The following POT1 variants were observed in gnomAD, a reference collection of about 807,000 sequenced individuals.
POT1 encodes protection of telomeres 1, also known as protection of telomeres protein 1.
Under a neutral mutation model 78.5 loss-of-function variants are expected in POT1, and 47 were observed. That is an observed-to-expected ratio of 0.60 (90% CI 0.47 to 0.76). POT1 has a LOEUF of 0.76. Ranked by LOEUF, POT1 falls within the 30% of genes least tolerant of loss-of-function variation. The pLI, the probability that POT1 is intolerant of heterozygous loss-of-function variation, is 0.00. For missense variants in POT1, 646 were observed against 749.9 expected, an observed-to-expected ratio of 0.86 and a Z score of 1.62; for synonymous variants, 259 against 260.7, an observed-to-expected ratio of 0.99 and a Z score of 0.06.
chr7:124,876,684 A>G (rs1239043373), intron 6 of POT1, among the ~76,000 whole-genome samples: 3 of 152,208 alleles, frequency 2.0e-5, no homozygotes, highest in African/African-American at 7.2e-5. Flanking sequence ...TTTTTCTGGA[A>G]CATACATATT....
chr7:124,853,088 C>G lies in POT1; in HGVS notation c.753G>C (p.Met251Ile), dbSNP rs1172142052. Residue 251 changes from methionine to isoleucine, a missense_variant, in exon 10 of 19, where the codon ATG becomes ATC. Around this residue, in one of 2 missense-constraint regions of POT1, gnomAD observed 252 missense variants for 341.4 expected, o/e 0.74. Transcript: ENST00000357628. ...IYSLHTKLQSMNSENQTMLSL... is the reference protein window; with the variant it reads ...IYSLHTKLQSINSENQTMLSL... ...TTAACATTGTCTGATTCTCTGAATT[C>G]ATTGATTGAAGTTTGGTATGAAGGC... is the stretch of plus-strand genomic sequence containing the variant. 6.2e-7 allele frequency: 1 copy of G among 1,608,296 alleles called. No homozygotes were observed. The highest frequency in any genetic ancestry group is 8.5e-7 in the Non-Finnish European group (1 of 1,175,070).
At chr7:124,829,039 G>C in intron 16 of POT1, 1 of 743,308 alleles carries the variant, frequency 1.3e-6, no homozygotes, top group Non-Finnish European at 2.5e-6. Flanking sequence ...GTAAGGCATA[G>C]GGGAAAGTAT....
At chr7:124,856,074 GATTAT>G (rs1795439565) in intron 9 of POT1, among the ~76,000 whole-genome samples, 1 of 152,034 alleles carries the variant, frequency 6.6e-6, no homozygotes, top group Admixed American at 6.6e-5. Flanking sequence ...TGTAGATGTT[GATTAT>G]ATTATATTCT....
At chr7:124,847,814 C>T (rs1484908122) in intron 11 of POT1, among the ~76,000 whole-genome samples, 1 of 152,160 alleles carries the variant, frequency 6.6e-6, no homozygotes, top group African/African-American at 2.4e-5. Flanking sequence ...GCAAATGGTG[C>T]TGCAATAACT....
intron 3 of POT1, among the ~76,000 whole-genome samples, chr7:124,910,438 G>A (rs1796864121): frequency 6.6e-6 from 1 of 151,700 alleles, no homozygotes; most frequent in Non-Finnish European, 1.5e-5. Flanking sequence ...CATCACAGAG[G>A]GCTAACAGTT....
At chr7:124,894,839 G>A (rs1332766883) in intron 5 of POT1, among the ~76,000 whole-genome samples, 1 of 151,528 alleles carries the variant, frequency 6.6e-6, no homozygotes, top group Non-Finnish European at 1.5e-5. Flanking sequence ...GTAAGCAAAG[G>A]CTTTCTGAAG....
intron 6 of POT1, among the ~76,000 whole-genome samples, chr7:124,880,241 A>C (rs896181778): frequency 5.9e-5 from 9 of 152,138 alleles, no homozygotes; most frequent in African/African-American, 1.9e-4. Flanking sequence ...CGTGATAAAC[A>C]CAAGGGCAAA....
chr7:124,873,010 C>A (rs1224855960), intron 6 of POT1, among the ~76,000 whole-genome samples: 1 of 152,024 alleles, frequency 6.6e-6, no homozygotes, highest in African/African-American at 2.4e-5. Flanking sequence ...AGGTCCTTTG[C>A]CCATGTTTAA....
At chr7:124,870,351 A>C (rs1379216651) in intron 7 of POT1, among the ~76,000 whole-genome samples, 1 of 152,008 alleles carries the variant, frequency 6.6e-6, no homozygotes, top group Non-Finnish European at 1.5e-5. Context: ...TAATAACTCT[A>C]CCCTATATTA....
At chr7:124,857,645 A>G (rs998409735) in intron 9 of POT1, among the ~76,000 whole-genome samples, 3 of 152,178 alleles carry the variant, frequency 2.0e-5, no homozygotes, top group African/African-American at 4.8e-5. Flanking sequence ...ATCTGGCCAG[A>G]GAGGGCCAGA....
intron 8 of POT1, 150 bp downstream of exon 8, chr7:124,863,200 T>C: frequency 2.8e-6 from 2 of 701,984 alleles, no homozygotes; most frequent in Admixed American, 3.2e-5. Context: ...TAGAGCTGCA[T>C]GAATATTGAG....
chr7:124,912,528 G>A (rs1796911512), intron 3 of POT1, among the ~76,000 whole-genome samples: 1 of 151,912 alleles, frequency 6.6e-6, no homozygotes, highest in African/African-American at 2.4e-5. Context: ...TTACAGTTCT[G>A]CCTTACATTC....
intron 7 of POT1, among the ~76,000 whole-genome samples, chr7:124,864,829 A>C (rs780327937): frequency 1.3e-5 from 2 of 152,140 alleles, no homozygotes; most frequent in Non-Finnish European, 2.9e-5. Context: ...CTTTAAATAG[A>C]CATTTCTCTT....
intron 12 of POT1, among the ~76,000 whole-genome samples, chr7:124,845,768 G>A (rs1466208949): frequency 1.3e-5 from 2 of 151,202 alleles, no homozygotes; most frequent in African/African-American, 4.9e-5. Flanking sequence ...TTTACTTTAA[G>A]AAAGATATTT....
At chr7:124,916,381 T>A (rs1797014814) in intron 2 of POT1, among the ~76,000 whole-genome samples, 1 of 152,120 alleles carries the variant, frequency 6.6e-6, no homozygotes. Flanking sequence ...TAAAAGTAGT[T>A]ACACTTAAAA....
At chr7:124,906,788 A>G (rs1796776169) in intron 3 of POT1, among the ~76,000 whole-genome samples, 1 of 152,140 alleles carries the variant, frequency 6.6e-6, no homozygotes, top group East Asian at 1.9e-4. Context: ...GAACTAAACA[A>G]AGAGAAAAAA....
intron 2 of POT1, among the ~76,000 whole-genome samples, chr7:124,917,700 C>T (rs1267624021): frequency 6.6e-6 from 1 of 152,148 alleles, no homozygotes; most frequent in African/African-American, 2.4e-5. Context: ...TTTTGCTTCA[C>T]TTGTATGTGA....
At chr7:124,828,936 C>T in intron 16 of POT1, 1 of 596,712 alleles carries the variant, frequency 1.7e-6, no homozygotes, top group Non-Finnish European at 3.2e-6. Flanking sequence ...ATTGGCCAAA[C>T]AACATCTGCA....
intron 3 of POT1, among the ~76,000 whole-genome samples, chr7:124,911,347 C>T (rs1796884941): frequency 6.6e-6 from 1 of 152,134 alleles, no homozygotes; most frequent in South Asian, 2.1e-4. Context: ...TATGTGCACT[C>T]ACGCTTTTTT....
Sources: gnomAD v4.1 joint callset for allele counts (sites outside exome capture counted in the v4.1 genomes callset) on GRCh38, gnomAD v4.1.1 for gene constraint, gnomAD v4.1.1 regional missense constraint, MANE v1.5 for transcripts, NCBI Gene and HGNC (gene_info 2026-07-23, HGNC 2026-07-21) for gene names.